The following AGBL1 variants were observed in gnomAD, a reference collection of about 807,000 sequenced individuals.
AGBL1 encodes the protein cytosolic carboxypeptidase 4.
AGBL1 carries 130 observed loss-of-function variants against 118.9 expected under a neutral mutation model. The observed-to-expected ratio is 1.09, with a 90% CI of 0.95 to 1.26. AGBL1 has a LOEUF of 1.26. Among genes scored for constraint, AGBL1 ranks in the 50% most tolerant of loss-of-function variants. The pLI is 0.00. For missense variants in AGBL1, 1,584 were observed against 1,298.1 expected (o/e 1.22, Z -3.38); for synonymous variants, 555 against 478.9 (o/e 1.16, Z -2.08).
At chr15:86,711,025 T>C (rs902391916) in intron 22 of AGBL1, among the ~76,000 whole-genome samples, 1 of 152,152 alleles carries the variant, frequency 6.6e-6, no homozygotes, top group African/African-American at 2.4e-5. Context: ...TCTCACTAGA[T>C]CTAGACCCTA....
chr15:87,025,503 C>CACAA (rs1477275247), intron 24 of AGBL1, among the ~76,000 whole-genome samples: 2 of 151,888 alleles, frequency 1.3e-5, no homozygotes, highest in East Asian at 3.9e-4. Context: ...TCATAGATGA[C>CACAA]ACAAACAAAT....
At chr15:86,435,240 A>G (rs1313563648) in intron 18 of AGBL1, among the ~76,000 whole-genome samples, 1 of 152,100 alleles carries the variant, frequency 6.6e-6, no homozygotes, top group East Asian at 1.9e-4. Flanking sequence ...CCCTTTTTCC[A>G]TTTATGTTCT....
At chr15:86,814,447 C>A (rs1596507627) in intron 22 of AGBL1, among the ~76,000 whole-genome samples, 1 of 152,182 alleles carries the variant, frequency 6.6e-6, no homozygotes, top group Non-Finnish European at 1.5e-5. Flanking sequence ...ACTGAACCTA[C>A]ATAGGATGGT....
intron 1 of AGBL1, among the ~76,000 whole-genome samples, chr15:86,119,114 G>T (rs796184937): frequency 4.6e-5 from 7 of 152,272 alleles, no homozygotes; most frequent in African/African-American, 1.7e-4. Context: ...GACTCATTTG[G>T]TTGCAAGTAA....
chr15:86,677,311 G>C (rs900908243), intron 22 of AGBL1, among the ~76,000 whole-genome samples: 3 of 152,096 alleles, frequency 2.0e-5, no homozygotes, highest in Non-Finnish European at 2.9e-5. Flanking sequence ...CTTTGTTTTT[G>C]GTTTCCTTTT....
rs1474890583 is a variant in AGBL1, at chr15:86,364,996, C to CATATATATAT, written c.2375-32369_2375-32368insTATATATATA. ...ATATATATATATATATATACACACA[C>CATATATATAT]ACATATATATATACACACACATATA... is the stretch of plus-strand genomic sequence containing the variant. On this transcript the variant is annotated intron_variant, in intron 17 of 22. Coordinates refer to ENST00000614907, the MANE Select transcript of AGBL1 (RefSeq NM_001386094.1). 1.4e-3 allele frequency among the ~76,000 whole-genome samples: 96 copies of CATATATATAT among 70,926 alleles called. 1 individual carries two copies. Among genetic ancestry groups the CATATATATAT allele is most frequent in the African/African-American group, 4.5e-3 (90 of 19,790 alleles). 46.5% of individuals were successfully genotyped at this position (70,926 alleles called of 152,430 possible). A position where few individuals can be genotyped will look rare whatever the true frequency, so the allele number is the denominator to read the frequency against.
intron 21 of AGBL1, among the ~76,000 whole-genome samples, chr15:86,571,587 A>G (rs1405372202): frequency 1.3e-5 from 2 of 152,166 alleles, no homozygotes; most frequent in East Asian, 3.9e-4. Context: ...GGTCATCCTG[A>G]TGAGTGTCCA....
Position 86,914,825 on chromosome 15 carries a change from T to A in AGBL1, c.*7531T>A, listed in dbSNP as rs926440426. Reference sequence around the variant, plus strand: ...GCCCTCTGAGAGGTTATGGAGCAAGTCTCCATTTCTAGGAAAGTGTGTTGT... The same window carrying A: ...GCCCTCTGAGAGGTTATGGAGCAAGACTCCATTTCTAGGAAAGTGTGTTGT... On this transcript the variant is annotated 3_prime_UTR_variant, in exon 23 of 23. Coordinates refer to ENST00000614907, the MANE Select transcript of AGBL1 (RefSeq NM_001386094.1). The A allele has an allele frequency of 2.1e-4, 32 of 152,230 alleles. No homozygotes were observed. The highest frequency in any genetic ancestry group is 6.5e-4 in the Admixed American group (10 of 15,308). The allele number at this position is 152,230 out of a possible 1,614,324, so 9.4% of individuals were successfully genotyped here. A position where few individuals can be genotyped will look rare whatever the true frequency, so the allele number is the denominator to read the frequency against.
chr15:86,154,226 A>G (rs2077157103), intron 3 of AGBL1, among the ~76,000 whole-genome samples: 1 of 152,184 alleles, frequency 6.6e-6, no homozygotes, highest in Middle Eastern at 3.2e-3. Flanking sequence ...GCTTCCATGT[A>G]AATATGTGTA....
chr15:86,850,922 T>G (rs1041414143), intron 22 of AGBL1, among the ~76,000 whole-genome samples: 12 of 152,216 alleles, frequency 7.9e-5, no homozygotes, highest in African/African-American at 2.4e-4. Flanking sequence ...AGCATAATAT[T>G]TTATTAATTA....
chr15:86,195,348 C>T (rs949603746), intron 5 of AGBL1, among the ~76,000 whole-genome samples: 1 of 152,120 alleles, frequency 6.6e-6, no homozygotes, highest in Non-Finnish European at 1.5e-5. Flanking sequence ...ATTAGACACA[C>T]ACATACATGT....
Position 86,106,095 on chromosome 15 carries a change from G to C in AGBL1, c.51+26072G>C, listed in dbSNP as rs59329674. ...TATGACTAGTAATGTGCAAGTAAAT[G>C]TGTGTTCCATCTGATGTGTGGGCAA... is the stretch of plus-strand genomic sequence containing the variant. On this transcript the variant is annotated intron_variant, in intron 1 of 22. Transcript: ENST00000614907. Among the ~76,000 whole-genome samples, 1,107 of 152,358 alleles carry C rather than the reference G, an allele frequency of 7.3e-3. 17 individuals carry two copies. Among genetic ancestry groups the C allele is most frequent in the African/African-American group, 0.025 (1,055 of 41,584 alleles).
intron 21 of AGBL1, among the ~76,000 whole-genome samples, chr15:86,593,564 T>C (rs1017925531): frequency 2.0e-5 from 3 of 152,198 alleles, no homozygotes; most frequent in African/African-American, 7.2e-5. Context: ...CATGATTCAG[T>C]TAATAGATAA....
At chr15:86,989,208 C>T (rs2081313821) in intron 24 of AGBL1, among the ~76,000 whole-genome samples, 1 of 151,966 alleles carries the variant, frequency 6.6e-6, no homozygotes, top group Admixed American at 6.6e-5. Context: ...ACTATGTTGC[C>T]TGGGCTGGTC....
chr15:86,342,964 T>C (rs1333036814), intron 17 of AGBL1, among the ~76,000 whole-genome samples: 1 of 152,218 alleles, frequency 6.6e-6, no homozygotes, highest in Non-Finnish European at 1.5e-5. Flanking sequence ...CAATGGGTTG[T>C]ATAAGTTAAA....
intron 17 of AGBL1, chr15:86,296,229 A>C (rs28661133): frequency 1.4e-5 from 2 of 147,612 alleles, no homozygotes; most frequent in Admixed American, 1.3e-4. Context: ...AAAAAAAAAA[A>C]CAAAAAAACA....
intron 21 of AGBL1, among the ~76,000 whole-genome samples, chr15:86,559,133 C>T (rs963569771): frequency 6.6e-6 from 1 of 152,138 alleles, no homozygotes; most frequent in Non-Finnish European, 1.5e-5. Context: ...CTCTGTGTCT[C>T]CCCTCTTCTT....
intron 2 of AGBL1, 127 bp from the exon 3 acceptor site, chr15:86,143,572 C>G (rs997052616): frequency 8.3e-7 from 1 of 1,202,354 alleles, no homozygotes; most frequent in Admixed American, 2.5e-5. Flanking sequence ...GCTTCAAGAA[C>G]TACATAATTT....
chr15:86,906,005 C>T (rs992570194), intron 22 of AGBL1, among the ~76,000 whole-genome samples: 2 of 152,218 alleles, frequency 1.3e-5, no homozygotes, highest in African/African-American at 4.8e-5. Context: ...ACAGAAGCAG[C>T]TCACATCAGT....
Sources: allele counts gnomAD v4.1 joint callset (sites outside exome capture counted in the v4.1 genomes callset), GRCh38; gene constraint gnomAD v4.1.1; transcripts MANE v1.5; gene names NCBI Gene and HGNC (gene_info 2026-07-23, HGNC 2026-07-21).